KLHL13: variants seen among roughly 807,000 people sequenced by gnomAD.
The protein encoded by KLHL13 is kelch-like protein 13.
A neutral mutation model predicts 37.1 loss-of-function variants in KLHL13; 10 were observed. The ratio of observed to expected loss-of-function variants is 0.27; its 90% CI spans 0.17 to 0.46. The LOEUF is 0.46. KLHL13 is among the 20% of genes least tolerant of loss of function. KLHL13 has a pLI of 1.00. For missense variants in KLHL13, 360 were observed against 509.3 expected, an observed-to-expected ratio of 0.71 and a Z score of 2.82; for synonymous variants, 163 against 181.2, an observed-to-expected ratio of 0.90 and a Z score of 0.81.
rs779294705 is a variant in KLHL13, at chrX:118,094,856, C to A, written c.-56+21652G>T. On this transcript the variant is annotated intron_variant, in intron 1 of 6. Transcript: ENST00000371882. The stretch of plus-strand genomic sequence containing the variant: ...AGCAAATGCTGAGAGATTTTGTCAC[C>A]ACCAGGCCTGCCCTAAAAGAGCTCC... Among the ~76,000 whole-genome samples, 17 of 111,209 alleles carry A rather than the reference C, an allele frequency of 1.5e-4. No homozygotes were observed. The South Asian group carries it at 5.8e-3, about 38-fold the overall frequency.
rs190452007 is a variant in KLHL13, at chrX:117,908,197, T to C, written c.1366+1104A>G. ...ACATCTGGCTTTCTTTCTTTCTTTC[T>C]TCCTTTCTGTCTTTCTGTCTTTTTT... On this transcript the variant is annotated intron_variant, in intron 5 of 6. Transcript: ENST00000262820. Among the ~76,000 whole-genome samples the C allele has an allele frequency of 1.0e-4, 11 of 108,854 alleles. No homozygotes were observed. In the East Asian group the frequency reaches 2.8e-3, roughly 28 times the overall value. The allele number at this position is 108,854 out of a possible 115,157, so 94.5% of individuals were successfully genotyped here.
chrX:118,010,980 G>T (rs1234074328), intron 1 of KLHL13, among the ~76,000 whole-genome samples: 1 of 109,847 alleles, frequency 9.1e-6, no homozygotes, highest in African/African-American at 3.3e-5. Context: ...GGCTGAGGTG[G>T]GAGAATCACC....
intron 2 of KLHL13, among the ~76,000 whole-genome samples, chrX:117,928,529 T>C (rs1014688884): frequency 2.9e-4 from 33 of 112,136 alleles, no homozygotes; most frequent in South Asian, 3.7e-4. Flanking sequence ...CCCAGCTTAA[T>C]TATATTAGAA....
intron 1 of KLHL13, chrX:117,972,645 G>A: frequency 1.3e-6 from 1 of 793,317 alleles, no homozygotes; most frequent in African/African-American, 2.0e-5. Context: ...GGATGTTGCT[G>A]TTTGGGGGCT....
At chrX:118,033,506 G>A (rs2054389064) in intron 1 of KLHL13, among the ~76,000 whole-genome samples, 1 of 110,441 alleles carries the variant, frequency 9.1e-6, no homozygotes, top group Non-Finnish European at 1.9e-5. Context: ...CATAAGTGAA[G>A]GAGAAATAAA....
At chrX:117,944,293 C>G (rs918071200) in intron 2 of KLHL13, among the ~76,000 whole-genome samples, 11 of 111,119 alleles carry the variant, frequency 9.9e-5, no homozygotes, top group Non-Finnish European at 2.1e-4. Context: ...GATTCTCGTT[C>G]CTGACTCACA....
At chrX:117,950,089 T>C (rs1257598072) in intron 1 of KLHL13, among the ~76,000 whole-genome samples, 3 of 112,747 alleles carry the variant, frequency 2.7e-5, no homozygotes, top group Non-Finnish European at 3.7e-5. Flanking sequence ...TGTTTCATAG[T>C]GCTTTAACTG....
intron 1 of KLHL13, among the ~76,000 whole-genome samples, chrX:117,963,194 A>G (rs1470177037): frequency 8.9e-6 from 1 of 112,003 alleles, no homozygotes; most frequent in Non-Finnish European, 1.9e-5. Context: ...TTGCCTTAGC[A>G]TGACATAAAT....
At chrX:118,023,687 GC>G (rs762103514) in intron 1 of KLHL13, among the ~76,000 whole-genome samples, 1 of 111,352 alleles carries the variant, frequency 9.0e-6, no homozygotes, top group East Asian at 2.8e-4. Context: ...TCATGCCTCA[GC>G]CTCCCAAATA....
chrX:118,065,576 A>C (rs1205782171), intron 1 of KLHL13, among the ~76,000 whole-genome samples: 1 of 111,818 alleles, frequency 8.9e-6, no homozygotes, highest in Non-Finnish European at 1.9e-5. Context: ...TGCACAGAGA[A>C]ATCAGAGAAA....
chrX:117,966,257 A>C (rs1297663635), intron 1 of KLHL13, among the ~76,000 whole-genome samples: 3 of 111,883 alleles, frequency 2.7e-5, no homozygotes, highest in Non-Finnish European at 5.6e-5. Context: ...GCATTCTTAT[A>C]CACCAATAAC....
intron 1 of KLHL13, among the ~76,000 whole-genome samples, chrX:118,105,940 C>G (rs2055341683): frequency 1.3e-5 from 1 of 79,699 alleles, no homozygotes; most frequent in African/African-American, 5.2e-5. Context: ...CTCGCTCTGT[C>G]GCCCAGGCTG....
chrX:118,059,430 G>C (rs2148089948), intron 1 of KLHL13, among the ~76,000 whole-genome samples: 1 of 111,211 alleles, frequency 9.0e-6, no homozygotes, highest in East Asian at 2.8e-4. Flanking sequence ...ATTCCCTAAA[G>C]CTATATCAAT....
intron 1 of KLHL13, among the ~76,000 whole-genome samples, chrX:117,996,399 C>T (rs1301815042): frequency 9.0e-6 from 1 of 111,602 alleles, no homozygotes; most frequent in Non-Finnish European, 1.9e-5. Context: ...TGCACCTTTA[C>T]ATTTTAAAAA....
intron 5 of KLHL13, among the ~76,000 whole-genome samples, chrX:117,908,610 T>C (rs1431895451): frequency 8.9e-6 from 1 of 111,892 alleles, no homozygotes; most frequent in Non-Finnish European, 1.9e-5. Flanking sequence ...CCTTTTTGGG[T>C]TAATTTACAT....
chrX:118,062,947 A>G (rs750618633), intron 1 of KLHL13, among the ~76,000 whole-genome samples: 1 of 111,635 alleles, frequency 9.0e-6, no homozygotes, highest in South Asian at 3.7e-4. Context: ...TGTAGCCAAG[A>G]AATTGGAAGC....
intron 1 of KLHL13, among the ~76,000 whole-genome samples, chrX:118,048,543 G>C (rs754826118): frequency 1.8e-5 from 2 of 111,338 alleles, no homozygotes; most frequent in South Asian, 7.5e-4. Flanking sequence ...GTGGCTACAT[G>C]GGCAACTGTT....
chrX:118,047,080 A>AG (rs1291740859), intron 1 of KLHL13, among the ~76,000 whole-genome samples: 1 of 111,739 alleles, frequency 8.9e-6, no homozygotes, highest in African/African-American at 3.3e-5. Context: ...AAGTAAGAGA[A>AG]GGGGGGATGA....
intron 1 of KLHL13, among the ~76,000 whole-genome samples, chrX:118,080,119 C>CA (rs1450149965): frequency 9.0e-6 from 1 of 111,499 alleles, no homozygotes; most frequent in Non-Finnish European, 1.9e-5. Context: ...TCACCATATA[C>CA]AAAAATAACT....
Sources: allele counts gnomAD v4.1 joint callset (sites outside exome capture counted in the v4.1 genomes callset), GRCh38; gene constraint gnomAD v4.1.1; transcripts MANE v1.5; gene names NCBI Gene and HGNC (gene_info 2026-07-23, HGNC 2026-07-21).